Variants in PLXNC1 observed in about 807,000 individuals in gnomAD.
The protein encoded by PLXNC1 is plexin C1.
Under a neutral mutation model 178.2 loss-of-function variants are expected in PLXNC1, and 75 were observed. The observed-to-expected ratio is 0.42, with a 90% CI of 0.35 to 0.51. The LOEUF (loss-of-function observed/expected upper bound fraction) is 0.51, where lower values mean the gene tolerates loss of function less well. Ranked by LOEUF, PLXNC1 falls within the 20% of genes least tolerant of loss-of-function variation. The pLI is 0.02. For missense variants in PLXNC1, 1,503 were observed against 1,984.4 expected (o/e 0.76, Z 4.61); for synonymous variants, 790 against 779.9 (o/e 1.01, Z -0.22).
At chr12:94,222,093 C>A (rs1963811681) in intron 6 of PLXNC1, among the ~76,000 whole-genome samples, 2 of 152,182 alleles carry the variant, frequency 1.3e-5, no homozygotes, top group Non-Finnish European at 2.9e-5. Flanking sequence ...CCTCAATTTT[C>A]CACTTTACTT....
intron 22 of PLXNC1, among the ~76,000 whole-genome samples, chr12:94,280,746 C>T (rs762875292): frequency 6.6e-6 from 1 of 152,360 alleles, no homozygotes; most frequent in Non-Finnish European, 1.5e-5. Context: ...AAATATGTGG[C>T]TGTCACTACA....
intron 21 of PLXNC1, among the ~76,000 whole-genome samples, chr12:94,268,064 A>G (rs1965349543): frequency 6.6e-6 from 1 of 152,182 alleles, no homozygotes; most frequent in Non-Finnish European, 1.5e-5. Context: ...CATCCTCACG[A>G]ACCACTTGAA....
chr12:94,245,424 T>G (rs1964501185), intron 12 of PLXNC1, among the ~76,000 whole-genome samples: 1 of 152,216 alleles, frequency 6.6e-6, no homozygotes, highest in Non-Finnish European at 1.5e-5. Context: ...CTCACGATTA[T>G]AATCCCAGCA....
chr12:94,191,365 T>C (rs1411743534), intron 4 of PLXNC1, among the ~76,000 whole-genome samples: 3 of 152,246 alleles, frequency 2.0e-5, no homozygotes, highest in Non-Finnish European at 4.4e-5. Context: ...GTCATGGATT[T>C]ATTTAGAAAA....
At chr12:94,197,384 T>G (rs983776603) in intron 4 of PLXNC1, among the ~76,000 whole-genome samples, 9 of 150,956 alleles carry the variant, frequency 6.0e-5, no homozygotes, top group Non-Finnish European at 1.5e-5. Context: ...ATTGCAGGAG[T>G]GGGTTACTTA....
rs1963135295 is a variant in PLXNC1 at position 94,201,834 on chromosome 12, T to G, written c.1440-7756T>G. Reference sequence around the variant, plus strand: ...CCCAGGCTGGAGTGCAGTGGCATGATCTCGACTCACTGCAGGCTCTGCCTC... The same window carrying G: ...CCCAGGCTGGAGTGCAGTGGCATGAGCTCGACTCACTGCAGGCTCTGCCTC... On this transcript the variant is annotated intron_variant, in intron 4 of 30. Coordinates refer to ENST00000258526, the MANE Select transcript of PLXNC1 (RefSeq NM_005761.3). Among the ~76,000 whole-genome samples the G allele has an allele frequency of 2.9e-5, 4 of 138,602 alleles. No individual in the cohort carries two copies. In the South Asian group the frequency reaches 9.6e-4, roughly 33 times the overall value. The allele number at this position is 138,602 out of a possible 152,430, so 90.9% of individuals were successfully genotyped here.
At chr12:94,157,235 G>GC (rs1961207774) in intron 1 of PLXNC1, among the ~76,000 whole-genome samples, 1 of 152,210 alleles carries the variant, frequency 6.6e-6, no homozygotes, top group Non-Finnish European at 1.5e-5. Context: ...AGCAGGTGCT[G>GC]CAGGTGGATT....
intron 17 of PLXNC1, among the ~76,000 whole-genome samples, chr12:94,256,844 C>CAAA (rs35718233): frequency 3.6e-5 from 4 of 110,982 alleles, no homozygotes; most frequent in Admixed American, 1.9e-4. Flanking sequence ...TGAGTGTTTC[C>CAAA]AAAAAAAAAA....
Position 94,265,047 on chromosome 12 carries a change from A to T in PLXNC1, c.3451-32A>T, listed in dbSNP as rs1219496081. ...TGGAAAGTACAGTGGATTCCACAGAAAGCTAACTGTCACTTTTGTGTCTTT... is the reference window on the plus strand; with the variant it reads ...TGGAAAGTACAGTGGATTCCACAGATAGCTAACTGTCACTTTTGTGTCTTT... On this transcript the variant is annotated intron_variant, in intron 20 of 30. Transcript: ENST00000258526. 3 of 1,610,032 alleles carry T rather than the reference A, an allele frequency of 1.9e-6. No homozygotes were observed. The Admixed American group carries it at 5.0e-5, about 27-fold the overall frequency.
In PLXNC1 at chr12:94,237,769, A is replaced by G. The variant is rs759614763; in HGVS notation, c.2086A>G (p.Ile696Val). The change falls in exon 10 of 31, where the codon ATC becomes GTC. Residue 696 changes from isoleucine to valine, a missense_variant. Physicochemically the swap from Ile to Val is conservative, Grantham distance 29. Coordinates refer to ENST00000258526, the MANE Select transcript of PLXNC1 (RefSeq NM_005761.3). ...TACCCGGGCATCGAACATCACAATG[A>G]TCCTGAAAGGAACCAGTACCTGTGA... ...NFTRASNITM[I>V]LKGTSTCDKD... is the part of the protein sequence containing the mutation. 1.2e-6 allele frequency: 2 copies of G among 1,614,026 alleles called. No homozygotes were observed. The highest frequency in any genetic ancestry group is 3.3e-5 in the Admixed American group (2 of 60,022).
At chr12:94,246,463 G>A (rs870037) in intron 12 of PLXNC1, among the ~76,000 whole-genome samples, 56,467 of 152,006 alleles carry the variant, frequency 0.37, 11,939 homozygotes, top group South Asian at 0.48. Context: ...AGAGGAGGAA[G>A]AAAAGAGCAC....
At chr12:94,157,622 T>A (rs576184722) in intron 1 of PLXNC1, among the ~76,000 whole-genome samples, 1 of 152,366 alleles carries the variant, frequency 6.6e-6, no homozygotes, top group South Asian at 2.1e-4. Flanking sequence ...CTGATTTTCA[T>A]GTTGGTTGGA....
At chr12:94,231,250 A>T (rs1398850426) in intron 9 of PLXNC1, among the ~76,000 whole-genome samples, 14 of 152,174 alleles carry the variant, frequency 9.2e-5, no homozygotes, top group African/African-American at 3.4e-4. Flanking sequence ...ATCCAGACAC[A>T]TGAATGCGGG....
At chr12:94,270,679 A>G (rs547205292) in intron 21 of PLXNC1, among the ~76,000 whole-genome samples, 1 of 152,040 alleles carries the variant, frequency 6.6e-6, no homozygotes, top group East Asian at 1.9e-4. Flanking sequence ...ACTTGATTCT[A>G]GGATGGACAA....
intron 4 of PLXNC1, among the ~76,000 whole-genome samples, chr12:94,189,983 G>A (rs990975329): frequency 6.6e-6 from 1 of 152,146 alleles, no homozygotes; most frequent in African/African-American, 2.4e-5. Context: ...GGGACCTGGG[G>A]TGGTTTGAGC....
intron 17 of PLXNC1, among the ~76,000 whole-genome samples, chr12:94,258,156 A>G (rs1964906935): frequency 6.6e-6 from 1 of 152,202 alleles, no homozygotes; most frequent in African/African-American, 2.4e-5. Flanking sequence ...AAAAACACAC[A>G]GAGAGAACCA....
At chr12:94,239,863 C>T (rs1013713710) in intron 10 of PLXNC1, among the ~76,000 whole-genome samples, 2 of 152,196 alleles carry the variant, frequency 1.3e-5, no homozygotes, top group African/African-American at 4.8e-5. Context: ...GCAGAATTTC[C>T]ATCTCTGTCT....
intron 4 of PLXNC1, among the ~76,000 whole-genome samples, chr12:94,195,051 G>T (rs1438242070): frequency 6.6e-6 from 1 of 152,094 alleles, no homozygotes; most frequent in Non-Finnish European, 1.5e-5. Context: ...GGAGAGACTG[G>T]CAGATGGAGT....
chr12:94,213,157 G>T (rs1264379147), intron 5 of PLXNC1, among the ~76,000 whole-genome samples: 1 of 152,190 alleles, frequency 6.6e-6, no homozygotes, highest in Non-Finnish European at 1.5e-5. Context: ...AATCCTTTGG[G>T]TATATATCCA....
Sources: allele counts gnomAD v4.1 joint callset (sites outside exome capture counted in the v4.1 genomes callset), GRCh38; gene constraint gnomAD v4.1.1; transcripts MANE v1.5; gene names NCBI Gene and HGNC (gene_info 2026-07-23, HGNC 2026-07-21).